Variants in SRRD observed in about 807,000 individuals in gnomAD.
The protein encoded by SRRD is SRR1 domain containing.
Under a neutral mutation model 30.7 loss-of-function variants are expected in SRRD, and 28 were observed. That is an observed-to-expected ratio of 0.91 (90% confidence interval 0.68 to 1.25). The LOEUF (loss-of-function observed/expected upper bound fraction) is 1.25. Ranked by LOEUF, SRRD falls within the 50% of genes most tolerant of loss-of-function variation. The probability of loss-of-function intolerance (pLI) is 0.00; values close to 1 mark genes in which losing one functional copy is unlikely to be tolerated. For missense variants in SRRD, 415 were observed against 417.3 expected (o/e 0.99, Z 0.05); for synonymous variants, 161 against 159.6 (o/e 1.01, Z -0.07).
chr22:26,488,601 C>A, intron 4 of SRRD, 113 bp downstream of exon 4: 1 of 785,866 alleles, frequency 1.3e-6, no homozygotes, highest in Non-Finnish European at 2.2e-6. Flanking sequence ...CCTCTCTTAC[C>A]GCCTGCTCAC....
chr22:26,490,811 G>T (rs766105851), intron 5 of SRRD: 5 of 510,568 alleles, frequency 9.8e-6, no homozygotes, highest in Non-Finnish European at 1.7e-5. Flanking sequence ...TGATCCGCCC[G>T]CCTCAGTCTC....
chr22:26,494,022 G>T lies in SRRD; in HGVS notation c.*2350G>T. ...TGAGAGTCTGTTGCTATGTGCAAAAGTGTGACCTAAGGTTTAGGCTGCCTA... is the reference window on the plus strand; with the variant it reads ...TGAGAGTCTGTTGCTATGTGCAAAATTGTGACCTAAGGTTTAGGCTGCCTA... On this transcript the variant is annotated 3_prime_UTR_variant, in exon 7 of 7. Coordinates refer to ENST00000215917, the MANE Select transcript of SRRD (RefSeq NM_001013694.3). 1 of 1,191,182 alleles carries T rather than the reference G, an allele frequency of 8.4e-7. No individual in the cohort carries two copies. The highest frequency in any genetic ancestry group is 1.2e-6 in the Non-Finnish European group (1 of 843,624). The allele number at this position is 1,191,182 out of a possible 1,614,324, so 73.8% of individuals were successfully genotyped here. A position where few individuals can be genotyped will look rare whatever the true frequency, so the allele number is the denominator to read the frequency against.
chr22:26,490,963 A>C, intron 5 of SRRD, 62 bp from the exon 6 acceptor site: 3,454 of 1,125,502 alleles, frequency 3.1e-3, no homozygotes, highest in Non-Finnish European at 4.2e-3. Flanking sequence ...GAATGAAACT[A>C]TCCTCATACC....
At chr22:26,487,993 T>C in intron 2 of SRRD, 36 bp from the exon 3 acceptor site, 1 of 1,576,254 alleles carries the variant, frequency 6.3e-7, no homozygotes, top group Non-Finnish European at 8.6e-7. Flanking sequence ...GGTCAGAACA[T>C]GCCCTCTAAC....
rs71192931 is a variant in SRRD at position 26,490,559 on chromosome 22, C to CTTTTTTTTTTTTTTTTTTTTTTTTT, written c.764+383_764+384insTTTTTTTTTTTTTTTTTTTTTTTTT. 3.3e-4 allele frequency among the ~76,000 whole-genome samples: 17 copies of CTTTTTTTTTTTTTTTTTTTTTTTTT among 51,846 alleles called. 6 individuals are homozygous for CTTTTTTTTTTTTTTTTTTTTTTTTT. The highest frequency in any genetic ancestry group is 6.6e-4 in the Admixed American group (2 of 3,050). The allele number at this position is 51,846 out of a possible 152,430, so 34.0% of individuals were successfully genotyped here. A position where few individuals can be genotyped will look rare whatever the true frequency, so the allele number is the denominator to read the frequency against. ...ATGGGCACAATTACTGGAATATTTGCTTTTTTTTTTTTTTTTTTTTTTGAG... is the reference window on the plus strand; with the variant it reads ...ATGGGCACAATTACTGGAATATTTGCTTTTTTTTTTTTTTTTTTTTTTTTTTTTTTTTTTTTTTTTTTTTTTTGAG... On this transcript the variant is annotated intron_variant, in intron 5 of 6. Transcript: ENST00000215917.
In SRRD at chr22:26,492,476, C is replaced by T; in HGVS notation, c.*804C>T. On this transcript the variant is annotated 3_prime_UTR_variant, in exon 7 of 7. Coordinates refer to ENST00000215917, the MANE Select transcript of SRRD (RefSeq NM_001013694.3). ...GGTGTGCCAGAGTGCTTGTGACTCA[C>T]TGAAGGGCAGCTCTGCCTCAAAGAT... 2 of 966,744 alleles carry T rather than the reference C, an allele frequency of 2.1e-6. No individual in the cohort carries two copies. The highest frequency in any genetic ancestry group is 3.2e-6 in the Non-Finnish European group (2 of 633,016). 59.9% of individuals were successfully genotyped at this position (966,744 alleles called of 1,614,324 possible).
intron 4 of SRRD, among the ~76,000 whole-genome samples, chr22:26,489,810 C>CA (rs1259234388): frequency 2.0e-5 from 3 of 152,162 alleles, no homozygotes; most frequent in Non-Finnish European, 4.4e-5. Flanking sequence ...CATGAGAACA[C>CA]AATGTGTACA....
intron 5 of SRRD, among the ~76,000 whole-genome samples, chr22:26,490,559 C>CTTTTTGTTTTTTTTTTTTTTTTTTT (rs1921026657): frequency 1.9e-5 from 1 of 51,834 alleles, no homozygotes; most frequent in Non-Finnish European, 3.4e-5. Context: ...GGAATATTTG[C>CTTTTTGTTTTTTTTTTTTTTTTTTT]TTTTTTTTTT....
chr22:26,490,986 TGTTTTTTTTTTGTTTTTTTG>T lies in SRRD; in HGVS notation c.765-29_765-10del, dbSNP rs768747297. 1.3e-5 allele frequency: 18 copies of T among 1,435,140 alleles called. No individual in the cohort carries two copies. Among genetic ancestry groups the T allele is most frequent in the Non-Finnish European group, 1.7e-5 (18 of 1,068,326 alleles). The allele number at this position is 1,435,140 out of a possible 1,614,324, so 88.9% of individuals were successfully genotyped here. On this transcript the variant is annotated intron_variant, in intron 5 of 6. Transcript: ENST00000215917. ...CTATCCTCATACCTCCTAATCATGG[TGTTTTTTTTTTGTTTTTTTG>T]GTTTTTTTTAATTTCTAGGTTGTTG... is the stretch of plus-strand genomic sequence containing the variant.
chr22:26,484,329 C>T (rs1477094764), intron 1 of SRRD, among the ~76,000 whole-genome samples: 2 of 152,162 alleles, frequency 1.3e-5, no homozygotes, highest in Admixed American at 6.5e-5. Context: ...AATTTATAAT[C>T]TCTGTGCCTC....
intron 5 of SRRD, 36 bp from the exon 6 acceptor site, chr22:26,490,987 GTT>G (rs34878449): frequency 3.5e-5 from 50 of 1,448,006 alleles, no homozygotes; most frequent in South Asian, 8.6e-5. Flanking sequence ...TAATCATGGT[GTT>G]TTTTTTTTGT....
At chr22:26,490,985 GTGT>G in intron 5 of SRRD, 37 bp from the exon 6 acceptor site, 1 of 1,453,586 alleles carries the variant, frequency 6.9e-7, no homozygotes. Context: ...CCTAATCATG[GTGT>G]TTTTTTTTTG....
At chr22:26,487,588 T>C (rs1569151125) in intron 2 of SRRD, among the ~76,000 whole-genome samples, 1 of 152,240 alleles carries the variant, frequency 6.6e-6, no homozygotes, top group Non-Finnish European at 1.5e-5. Flanking sequence ...CTTGAATTCC[T>C]GACCTCAGGC....
chr22:26,492,790 G>GGC lies in SRRD; in HGVS notation c.*1119_*1120dup, dbSNP rs1921378776. 1 of 184,704 alleles carries GGC rather than the reference G, an allele frequency of 5.4e-6. No individual in the cohort carries two copies. The highest frequency in any genetic ancestry group is 1.2e-5 in the Non-Finnish European group (1 of 86,682). The allele number at this position is 184,704 out of a possible 1,614,324, so 11.4% of individuals were successfully genotyped here. A position where few individuals can be genotyped will look rare whatever the true frequency, so the allele number is the denominator to read the frequency against. ...CTTTATTTTTAACCTACCCACACAG[G>GGC]GCCCCCATCCTGAAAGAAGTTCACA... On this transcript the variant is annotated 3_prime_UTR_variant, in exon 7 of 7. Transcript: ENST00000215917.
At position 26,484,015 on chromosome 22, in the gene SRRD, GGGGGAGAGAGGCGGCGCCCC is replaced by G. The variant is rs869240252; in HGVS notation, c.130_149del (p.Arg44ProfsTer8). The G allele has an allele frequency of 2.6e-5, 34 of 1,326,010 alleles. No individual in the cohort carries two copies. The African/African-American group carries it at 4.6e-4, about 18-fold the overall frequency. 82.1% of individuals were successfully genotyped at this position (1,326,010 alleles called of 1,614,324 possible). On this transcript the variant is annotated frameshift_variant, in exon 1 of 7. Coordinates refer to ENST00000215917, the MANE Select transcript of SRRD (RefSeq NM_001013694.3). LOFTEE classifies it high-confidence loss of function. ...CCCCGGGGGAGAGAGGCGGCGCCCC[GGGGGAGAGAGGCGGCGCCCC>G]GGGGCCCCGAGGCGGAGTTCGAGTC...
Position 26,494,209 on chromosome 22 carries a change from T to C in SRRD, c.*2537T>C. 6.2e-7 allele frequency: 1 copy of C among 1,614,210 alleles called. No individual in the cohort carries two copies. Among genetic ancestry groups the C allele is most frequent in the Non-Finnish European group, 8.5e-7 (1 of 1,180,030 alleles). On this transcript the variant is annotated 3_prime_UTR_variant, in exon 7 of 7. Coordinates refer to ENST00000215917, the MANE Select transcript of SRRD (RefSeq NM_001013694.3). ...TAAATTTGTCCTTGACAGATGGATG[T>C]GCCAGCACTTGGTCTGAGAACATCG... is the stretch of plus-strand genomic sequence containing the variant.
chr22:26,491,218 C>T, intron 6 of SRRD, 148 bp downstream of exon 6: 2 of 858,530 alleles, frequency 2.3e-6, no homozygotes, highest in South Asian at 3.4e-5. Flanking sequence ...TTCCAGAAAG[C>T]TATGACTCTT....
chr22:26,488,341 T>G, intron 3 of SRRD, 49 bp from the exon 4 acceptor site: 1 of 1,613,760 alleles, frequency 6.2e-7, no homozygotes, highest in Non-Finnish European at 8.5e-7. Flanking sequence ...TATACATGGG[T>G]GCACACAGAT....
chr22:26,486,699 T>C (rs866097179), intron 2 of SRRD, among the ~76,000 whole-genome samples: 1 of 152,192 alleles, frequency 6.6e-6, no homozygotes, highest in Non-Finnish European at 1.5e-5. Context: ...TTATACATAA[T>C]TTTGCAATGA....
Sources: allele counts gnomAD v4.1 joint callset (sites outside exome capture counted in the v4.1 genomes callset), GRCh38; gene constraint gnomAD v4.1.1; transcripts MANE v1.5; gene names NCBI Gene and HGNC (gene_info 2026-07-23, HGNC 2026-07-21).